Variants in SOX13 observed in about 807,000 individuals in gnomAD.
SOX13 encodes the protein SRY-box transcription factor 13.
SOX13 carries 28 observed loss-of-function variants against 71.8 expected under a neutral mutation model. That is an observed-to-expected ratio of 0.39 (90% CI 0.29 to 0.53). The LOEUF is 0.53. SOX13 is among the 20% of genes least tolerant of loss of function. SOX13 has a pLI of 0.70. For missense variants in SOX13, 627 were observed against 810.3 expected, an observed-to-expected ratio of 0.77 and a Z score of 2.75; for synonymous variants, 309 against 317.8, an observed-to-expected ratio of 0.97 and a Z score of 0.29.
At position 204,123,235 on chromosome 1, in the gene SOX13, C is replaced by A; in HGVS notation, c.1231+27C>A. 1 of 1,552,592 alleles carries A rather than the reference C, an allele frequency of 6.4e-7. No homozygotes were observed. The highest frequency in any genetic ancestry group is 8.9e-7 in the Non-Finnish European group (1 of 1,124,310). On this transcript the variant is annotated intron_variant, in intron 11 of 13. Coordinates refer to ENST00000367204, the MANE Select transcript of SOX13 (RefSeq NM_005686.3). The surrounding 1 kb of genome is among the most constrained non-coding windows in gnomAD (Gnocchi z 5.0). Reference sequence around the variant, plus strand: ...TGAGGGCTCAGGCGCAGGGCTGATGCGCAGGAGGGCCCAACTCTGTATTCC... The same window carrying A: ...TGAGGGCTCAGGCGCAGGGCTGATGAGCAGGAGGGCCCAACTCTGTATTCC...
At chr1:204,085,568 A>G (rs1181300941) in intron 1 of SOX13, among the ~76,000 whole-genome samples, 1 of 152,080 alleles carries the variant, frequency 6.6e-6, no homozygotes, top group African/African-American at 2.4e-5. Context: ...GAACTCTTCT[A>G]AGATTGTTTG....
intron 1 of SOX13, among the ~76,000 whole-genome samples, chr1:204,080,572 A>G (rs962480043): frequency 2.6e-5 from 4 of 151,644 alleles, no homozygotes; most frequent in Non-Finnish European, 4.4e-5. Flanking sequence ...TGCTTGACTC[A>G]GAATGGAATG....
intron 1 of SOX13, among the ~76,000 whole-genome samples, chr1:204,082,043 C>T (rs1448200812): frequency 2.1e-5 from 3 of 145,458 alleles, no homozygotes; most frequent in Non-Finnish European, 3.0e-5. Flanking sequence ...CAGGCTTGCC[C>T]GGCTCCTCTT....
At chr1:204,094,274 G>A (rs367877554) in intron 1 of SOX13, among the ~76,000 whole-genome samples, 13 of 152,288 alleles carry the variant, frequency 8.5e-5, no homozygotes, top group Admixed American at 3.3e-4. Context: ...CAGAGTTGAC[G>A]CTCAAACTCG....
At chr1:204,085,372 A>C (rs928230049) in intron 1 of SOX13, among the ~76,000 whole-genome samples, 2 of 152,212 alleles carry the variant, frequency 1.3e-5, no homozygotes, top group Non-Finnish European at 2.9e-5. Context: ...AAGGATGTAA[A>C]ACTGCCCGAC....
Position 204,073,549 on chromosome 1 carries a change from G to T in SOX13, c.-164G>T, listed in dbSNP as rs1655713002. The T allele has an allele frequency of 6.6e-6, 1 of 151,628 alleles. No individual in the cohort carries two copies. The highest frequency in any genetic ancestry group is 6.6e-5 in the Admixed American group (1 of 15,236). 9.4% of individuals were successfully genotyped at this position (151,628 alleles called of 1,614,324 possible). On this transcript the variant is annotated 5_prime_UTR_variant, in exon 1 of 14. Coordinates refer to ENST00000367204, the MANE Select transcript of SOX13 (RefSeq NM_005686.3). This position sits in a 1 kb window ranked among gnomAD's most constrained non-coding sequence, Gnocchi z 6.8. ...GCGACTCCCCGGCCGACGGCGGGGG[G>T]CGTGCCCCCTCCCAGCCCAGCCTCC...
At chr1:204,097,402 G>A (rs147340209) in intron 1 of SOX13, among the ~76,000 whole-genome samples, 16 of 152,196 alleles carry the variant, frequency 1.1e-4, no homozygotes, top group African/African-American at 2.6e-4. Flanking sequence ...ATAAAAACTT[G>A]CTTATGAGGC....
intron 1 of SOX13, among the ~76,000 whole-genome samples, chr1:204,084,741 A>C (rs994858211): frequency 2.0e-5 from 3 of 152,146 alleles, no homozygotes; most frequent in Middle Eastern, 3.4e-3. Context: ...ATCAGTGACC[A>C]GGTCAGCCAG....
chr1:204,126,529 AACAC>A lies in SOX13; in HGVS notation c.*396_*399del. 6.8e-5 allele frequency: 17 copies of A among 250,970 alleles called. No individual in the cohort carries two copies. Among genetic ancestry groups the A allele is most frequent in the Non-Finnish European group, 1.2e-4 (15 of 128,292 alleles). 15.5% of individuals were successfully genotyped at this position (250,970 alleles called of 1,614,324 possible). On this transcript the variant is annotated 3_prime_UTR_variant, in exon 14 of 14. Coordinates refer to ENST00000367204, the MANE Select transcript of SOX13 (RefSeq NM_005686.3). ...TGGCTGGACCAGCCACTGTGGGACCAACACCCCTCCCACACTCCCCCAGACTGCT... is the reference window on the plus strand; with the variant it reads ...TGGCTGGACCAGCCACTGTGGGACCACCCTCCCACACTCCCCCAGACTGCT...
chr1:204,124,189 AG>A (rs1479089422), intron 12 of SOX13, among the ~76,000 whole-genome samples: 1 of 152,090 alleles, frequency 6.6e-6, no homozygotes, highest in Non-Finnish European at 1.5e-5. Context: ...GTGGCCACGG[AG>A]GGATGTTGGG....
At chr1:204,110,850 A>G (rs1656567387) in intron 1 of SOX13, among the ~76,000 whole-genome samples, 1 of 152,038 alleles carries the variant, frequency 6.6e-6, no homozygotes, top group African/African-American at 2.4e-5. Context: ...GGATATTTTT[A>G]CTATATCTGA....
intron 7 of SOX13, 122 bp from the exon 8 acceptor site, chr1:204,121,778 T>C: frequency 1.3e-6 from 1 of 743,478 alleles, no homozygotes; most frequent in Non-Finnish European, 2.4e-6. Flanking sequence ...AGGGCAGTGG[T>C]TGGAACCAAG....
intron 1 of SOX13, among the ~76,000 whole-genome samples, chr1:204,077,741 T>C (rs1655812275): frequency 6.6e-6 from 1 of 152,212 alleles, no homozygotes; most frequent in African/African-American, 2.4e-5. Context: ...TTTTAATTTC[T>C]TTCTTTATCT....
chr1:204,109,018 C>G (rs1656524083), intron 1 of SOX13, among the ~76,000 whole-genome samples: 1 of 152,234 alleles, frequency 6.6e-6, no homozygotes, highest in African/African-American at 2.4e-5. Flanking sequence ...TTCTCGCCCC[C>G]CTGCTCTCGG....
At chr1:204,087,595 G>A (rs929694294) in intron 1 of SOX13, among the ~76,000 whole-genome samples, 2 of 152,218 alleles carry the variant, frequency 1.3e-5, no homozygotes, top group Non-Finnish European at 2.9e-5. Flanking sequence ...ATGCCCTCAG[G>A]GCTGTCACTT....
chr1:204,125,987 C>A lies in SOX13; in HGVS notation c.1722C>A (p.Ile574=). 6.2e-7 allele frequency: 1 copy of A among 1,613,944 alleles called. No homozygotes were observed. The highest frequency in any genetic ancestry group is 8.5e-7 in the Non-Finnish European group (1 of 1,179,878). ...PRSLDPNMPV[I]VNTCSLREEG... ...GCCTGGACCCCAACATGCCTGTGAT[C>A]GTCAACACCTGCAGCCTCAGAGAGG... Residue 574 remains isoleucine (I), a synonymous_variant, in exon 14 of 14, where the codon ATC becomes ATA. Transcript: ENST00000367204.
intron 1 of SOX13, among the ~76,000 whole-genome samples, chr1:204,100,726 A>G (rs1656344845): frequency 1.3e-5 from 2 of 152,212 alleles, no homozygotes; most frequent in African/African-American, 4.8e-5. Context: ...CACTGGAAGA[A>G]TGAATGCTGC....
chr1:204,094,513 G>T (rs1228043491), intron 1 of SOX13, among the ~76,000 whole-genome samples: 1 of 152,208 alleles, frequency 6.6e-6, no homozygotes, highest in African/African-American at 2.4e-5. Context: ...TGCAGGCAGT[G>T]GGGGAAGGGA....
At chr1:204,109,635 A>T (rs1299758829) in intron 1 of SOX13, among the ~76,000 whole-genome samples, 1 of 152,086 alleles carries the variant, frequency 6.6e-6, no homozygotes, top group African/African-American at 2.4e-5. Flanking sequence ...TTCTCAGAAC[A>T]TGTTTATGCT....
Sources: allele counts gnomAD v4.1 joint callset (sites outside exome capture counted in the v4.1 genomes callset), GRCh38; gene constraint gnomAD v4.1.1; non-coding constraint Gnocchi (gnomAD v3.1); transcripts MANE v1.5; gene names NCBI Gene and HGNC (gene_info 2026-07-23, HGNC 2026-07-21).